The following RABGAP1L variants were observed in gnomAD, a reference collection of about 807,000 sequenced individuals.
RABGAP1L encodes the protein RAB GTPase activating protein 1 like, also known as rab GTPase-activating protein 1-like.
A neutral mutation model predicts 137.7 loss-of-function variants in RABGAP1L; 63 were observed. That is an observed-to-expected ratio of 0.46 (90% CI 0.37 to 0.56). The LOEUF (loss-of-function observed/expected upper bound fraction) is 0.56. Among genes scored for constraint, RABGAP1L ranks in the 20% least tolerant of loss-of-function variants. RABGAP1L has a pLI of 0.00. For synonymous variants in RABGAP1L, 431 were observed against 433.7 expected (o/e 0.99, Z 0.08); for missense variants, 1,095 against 1,244.0 (o/e 0.88, Z 1.80).
intron 18 of RABGAP1L, among the ~76,000 whole-genome samples, chr1:174,807,649 G>A (rs1689443151): frequency 6.6e-6 from 1 of 152,190 alleles, no homozygotes; most frequent in South Asian, 2.1e-4. Context: ...CTAACTACAG[G>A]TTGTCTTCTA....
chr1:174,958,095 G>C (rs1029813648), intron 20 of RABGAP1L: 5 of 1,514,968 alleles, frequency 3.3e-6, no homozygotes, highest in Non-Finnish European at 4.4e-6. Context: ...CTGACACAAG[G>C]ATGTTTCAAA....
intron 13 of RABGAP1L, among the ~76,000 whole-genome samples, chr1:174,397,649 G>A (rs1356352155): frequency 2.0e-5 from 3 of 152,146 alleles, no homozygotes; most frequent in African/African-American, 7.2e-5. Context: ...CACTTGGCAT[G>A]TATTTTTCTC....
chr1:174,417,998 G>T (rs1267267016), intron 13 of RABGAP1L, among the ~76,000 whole-genome samples: 1 of 152,146 alleles, frequency 6.6e-6, no homozygotes, highest in Admixed American at 6.5e-5. Flanking sequence ...GCTTATCAAA[G>T]TTTCCATTAA....
intron 14 of RABGAP1L, among the ~76,000 whole-genome samples, chr1:174,644,606 T>C (rs1674803603): frequency 6.6e-6 from 1 of 152,064 alleles, no homozygotes; most frequent in Admixed American, 6.6e-5. Flanking sequence ...CTCTTTATGG[T>C]GCCTCCTGAA....
intron 7 of RABGAP1L, 43 bp downstream of exon 7, chr1:174,252,633 C>T (rs1321635192): frequency 6.3e-7 from 1 of 1,588,462 alleles, no homozygotes; most frequent in Non-Finnish European, 8.5e-7. Flanking sequence ...CTTGTATTGA[C>T]ATTGTTACTG....
chr1:174,358,650 A>G (rs1386891565), intron 11 of RABGAP1L, among the ~76,000 whole-genome samples: 1 of 152,154 alleles, frequency 6.6e-6, no homozygotes, highest in Non-Finnish European at 1.5e-5. Context: ...CAGGGAGTCC[A>G]TTTTGTCTGT....
chr1:174,610,461 G>C (rs1417392495), intron 13 of RABGAP1L, among the ~76,000 whole-genome samples: 3 of 151,902 alleles, frequency 2.0e-5, no homozygotes, highest in African/African-American at 7.3e-5. Flanking sequence ...ATCATTGTTG[G>C]ACATTTGGGT....
chr1:174,956,650 CTTT>C (rs749236387), intron 19 of RABGAP1L, among the ~76,000 whole-genome samples: 6 of 139,748 alleles, frequency 4.3e-5, no homozygotes, highest in Admixed American at 7.2e-5. Context: ...CTCTTCTCTT[CTTT>C]TTTTTTTTTT....
At chr1:174,403,233 GTGTGTGTGTGTGTGTATA>G (rs1218457392) in intron 13 of RABGAP1L, among the ~76,000 whole-genome samples, 6 of 126,932 alleles carry the variant, frequency 4.7e-5, no homozygotes, top group Admixed American at 1.5e-4. Flanking sequence ...GTGTGTGTGT[GTGTGTGTGTGTGTGTATA>G]TATATGTGTA....
intron 18 of RABGAP1L, among the ~76,000 whole-genome samples, chr1:174,758,781 G>A (rs1476372032): frequency 6.6e-6 from 1 of 151,988 alleles, no homozygotes; most frequent in Non-Finnish European, 1.5e-5. Context: ...TGTCGGCTTG[G>A]ATGTTTCACA....
At chr1:174,255,839 T>C (rs932321361) in intron 7 of RABGAP1L, among the ~76,000 whole-genome samples, 1 of 152,218 alleles carries the variant, frequency 6.6e-6, no homozygotes, top group African/African-American at 2.4e-5. Flanking sequence ...ACTCTCTTTC[T>C]CTTCTCCCTG....
intron 13 of RABGAP1L, among the ~76,000 whole-genome samples, chr1:174,413,843 T>A (rs1650227759): frequency 6.6e-6 from 1 of 152,136 alleles, no homozygotes; most frequent in African/African-American, 2.4e-5. Flanking sequence ...ACTTGATTCT[T>A]GTTTATTTTC....
chr1:174,938,476 T>C (rs972767899), intron 19 of RABGAP1L: 1 of 152,190 alleles, frequency 6.6e-6, no homozygotes, highest in Non-Finnish European at 1.5e-5. Flanking sequence ...ACAGAGTGAG[T>C]TGATGAGGGT....
At chr1:174,652,124 G>T (rs1419353372) in intron 14 of RABGAP1L, among the ~76,000 whole-genome samples, 1 of 152,136 alleles carries the variant, frequency 6.6e-6, no homozygotes, top group Non-Finnish European at 1.5e-5. Context: ...TGAAATTCTG[G>T]GTTAAAAATT....
At chr1:174,517,404 C>G (rs1662964597) in intron 13 of RABGAP1L, among the ~76,000 whole-genome samples, 1 of 152,006 alleles carries the variant, frequency 6.6e-6, no homozygotes, top group Admixed American at 6.6e-5. Context: ...TTTAAGAGAG[C>G]TAGAGATTCT....
chr1:174,875,604 A>G, intron 19 of RABGAP1L: 1 of 985,382 alleles, frequency 1.0e-6, no homozygotes, highest in Non-Finnish European at 1.2e-6. Context: ...AATTGCTTTC[A>G]CATCTAGAAA....
At chr1:174,537,190 A>C (rs1343432810) in intron 13 of RABGAP1L, among the ~76,000 whole-genome samples, 8 of 152,194 alleles carry the variant, frequency 5.3e-5, no homozygotes, top group Admixed American at 2.0e-4. Flanking sequence ...TTCAATTAAA[A>C]ATAGACTATA....
rs80329998 is a variant in RABGAP1L at position 174,899,887 on chromosome 1, A to T, written c.2341-57570A>T. ...ACTAGAATGGAAGTCAGGCTGGTAA[A>T]GCAAATCCCATGAGAGGAGAGAGTG... On this transcript the variant is annotated intron_variant, in intron 19 of 25. Coordinates refer to ENST00000681986, the MANE Select transcript of RABGAP1L (RefSeq NM_001366446.1). Among the ~76,000 whole-genome samples, 626 of 152,230 alleles carry T rather than the reference A, an allele frequency of 4.1e-3. 7 individuals carry two copies. Among genetic ancestry groups the T allele is most frequent in the African/African-American group, 0.012 (510 of 41,548 alleles).
At chr1:174,303,505 T>C (rs190585493) in intron 10 of RABGAP1L, among the ~76,000 whole-genome samples, 2 of 152,304 alleles carry the variant, frequency 1.3e-5, no homozygotes, top group Admixed American at 1.3e-4. Flanking sequence ...GTGATGAATC[T>C]TTGTAATGTG....
Sources: gnomAD v4.1 joint callset for allele counts (sites outside exome capture counted in the v4.1 genomes callset) on GRCh38, gnomAD v4.1.1 for gene constraint, MANE v1.5 for transcripts, NCBI Gene and HGNC (gene_info 2026-07-23, HGNC 2026-07-21) for gene names.